TTC29: variants seen among roughly 807,000 people sequenced by gnomAD.
TTC29 encodes the protein tetratricopeptide repeat protein 29.
Under a neutral mutation model 58.1 loss-of-function variants are expected in TTC29, and 49 were observed. The observed-to-expected ratio is 0.84, with a 90% confidence interval of 0.67 to 1.07. The LOEUF (loss-of-function observed/expected upper bound fraction) is 1.07. Ranked by LOEUF, TTC29 falls within the 50% of genes least tolerant of loss-of-function variation. TTC29 has a pLI of 0.00. For missense variants in TTC29, 582 were observed against 555.6 expected (o/e 1.05, Z -0.48); for synonymous variants, 209 against 196.8 (o/e 1.06, Z -0.52).
At chr4:146,778,976 C>CAAAAAAAAAAAAAAAAAAAAAAAAAGA (rs1748342323) in intron 11 of TTC29, among the ~76,000 whole-genome samples, 2 of 28,536 alleles carry the variant, frequency 7.0e-5, no homozygotes, top group Non-Finnish European at 1.1e-4. Context: ...CCTAAATAAG[C>CAAAAAAAAAAAAAAAAAAAAAAAAAGA]AAAAAAAAAA....
At chr4:146,851,919 T>A (rs1729538605) in intron 8 of TTC29, among the ~76,000 whole-genome samples, 1 of 152,184 alleles carries the variant, frequency 6.6e-6, no homozygotes, top group African/African-American at 2.4e-5. Context: ...AGTGGGTCAT[T>A]TCTAGCCTGA....
intron 11 of TTC29, among the ~76,000 whole-genome samples, chr4:146,709,913 C>T (rs2149988903): frequency 6.6e-6 from 1 of 152,186 alleles, no homozygotes; most frequent in South Asian, 2.1e-4. Context: ...TGCCTAAGGC[C>T]TATCCCTCTA....
At chr4:146,772,880 G>A (rs1350633331) in intron 11 of TTC29, among the ~76,000 whole-genome samples, 1 of 151,164 alleles carries the variant, frequency 6.6e-6, no homozygotes, top group African/African-American at 2.4e-5. Flanking sequence ...TTTCATTTGT[G>A]TTATCTCTGA....
In TTC29 at chr4:146,833,873, A is replaced by C; in HGVS notation, c.910T>G (p.Ser304Ala). The C allele has an allele frequency of 1.2e-6, 2 of 1,613,002 alleles. No individual in the cohort carries two copies. The highest frequency in any genetic ancestry group is 2.2e-5 in the South Asian group (2 of 91,014). The change falls in exon 9 of 13, where the codon TCC becomes GCC. Residue 304 changes from serine to alanine, a missense_variant. Ser to Ala is a moderately conservative substitution (Grantham distance 99, BLOSUM62 1). Coordinates refer to ENST00000325106, the MANE Select transcript of TTC29 (RefSeq NM_031956.4). The part of the protein sequence containing the change: ...LTVLDTYCKI[S>A]TDLDDDLSLG... ...CTGAGATCATCATCCAGGTCTGTGG[A>C]GATTTTACAGTAAGTGTCAAGGACC...
At chr4:146,716,361 A>T (rs1742928194) in intron 11 of TTC29, among the ~76,000 whole-genome samples, 2 of 152,112 alleles carry the variant, frequency 1.3e-5, no homozygotes, top group African/African-American at 4.8e-5. Flanking sequence ...CAAGCTCTGT[A>T]TTCATGTTCT....
At chr4:146,823,660 G>T (rs1751988863) in intron 9 of TTC29, among the ~76,000 whole-genome samples, 1 of 152,162 alleles carries the variant, frequency 6.6e-6, no homozygotes, top group African/African-American at 2.4e-5. Context: ...AGTTTGATGG[G>T]AATAGCATTG....
At chr4:146,790,543 T>C (rs1749369977) in intron 11 of TTC29, among the ~76,000 whole-genome samples, 1 of 152,046 alleles carries the variant, frequency 6.6e-6, no homozygotes, top group Non-Finnish European at 1.5e-5. Context: ...TTTGTAGCAC[T>C]TACCACTATT....
rs147538496 is a variant in TTC29 at position 146,914,517 on chromosome 4, T to A, written c.177-5268A>T. 5.8e-4 allele frequency among the ~76,000 whole-genome samples: 88 copies of A among 152,160 alleles called. 3 individuals carry two copies. In the South Asian group the frequency reaches 0.015, roughly 27 times the overall value. ...TGAAAATAGAGAATGCTGGTAAAAT[T>A]TATGGAGAGATTTAATATTAGGAAA... On this transcript the variant is annotated intron_variant, in intron 4 of 12. Transcript: ENST00000325106.
intron 10 of TTC29, among the ~76,000 whole-genome samples, chr4:146,817,049 C>T (rs1751457724): frequency 6.6e-6 from 1 of 152,090 alleles, no homozygotes; most frequent in African/African-American, 2.4e-5. Context: ...TCTCACCACT[C>T]CTATTCAACA....
intron 8 of TTC29, among the ~76,000 whole-genome samples, chr4:146,846,245 C>T (rs1025047358): frequency 6.6e-6 from 1 of 152,130 alleles, no homozygotes; most frequent in African/African-American, 2.4e-5. Context: ...CATGAAATTT[C>T]AGATTGACAC....
chr4:146,795,817 G>A (rs139220319), intron 11 of TTC29, among the ~76,000 whole-genome samples: 69 of 152,256 alleles, frequency 4.5e-4, no homozygotes, highest in Admixed American at 8.5e-4. Context: ...ACACATAGGA[G>A]AGGATCATTT....
chr4:146,889,611 C>T (rs1245745627), intron 6 of TTC29, among the ~76,000 whole-genome samples: 1 of 152,064 alleles, frequency 6.6e-6, no homozygotes, highest in African/African-American at 2.4e-5. Context: ...CTGATATGTC[C>T]TTTGCATTTC....
At chr4:146,804,873 C>T (rs905588364) in intron 10 of TTC29, among the ~76,000 whole-genome samples, 1 of 152,242 alleles carries the variant, frequency 6.6e-6, no homozygotes. Context: ...CAGCACAGTG[C>T]TCAAGCTCTG....
At chr4:146,797,522 C>G (rs928488504) in intron 11 of TTC29, among the ~76,000 whole-genome samples, 1 of 151,744 alleles carries the variant, frequency 6.6e-6, no homozygotes, top group Admixed American at 6.6e-5. Context: ...GTATACAATT[C>G]TAGGTTTGAT....
chr4:146,764,944 T>C (rs1406737286), intron 11 of TTC29, among the ~76,000 whole-genome samples: 1 of 152,166 alleles, frequency 6.6e-6, no homozygotes, highest in Non-Finnish European at 1.5e-5. Flanking sequence ...ATCAGTTTGC[T>C]GATTTCATGA....
intron 4 of TTC29, among the ~76,000 whole-genome samples, chr4:146,928,082 G>C (rs560686328): frequency 6.6e-6 from 1 of 152,290 alleles, no homozygotes; most frequent in East Asian, 1.9e-4. Context: ...ATTTAAGAAT[G>C]AGTAAGAATC....
chr4:146,901,856 T>TCCTAGAAGACCTAGAAGA (rs914556635), intron 6 of TTC29, among the ~76,000 whole-genome samples: 1 of 152,206 alleles, frequency 6.6e-6, no homozygotes, highest in African/African-American at 2.4e-5. Flanking sequence ...GACCTGGTTT[T>TCCTAGAAGACCTAGAAGA]CCTAGAAGAA....
chr4:146,815,089 A>G (rs1387927313), intron 10 of TTC29, among the ~76,000 whole-genome samples: 1 of 152,196 alleles, frequency 6.6e-6, no homozygotes, highest in Non-Finnish European at 1.5e-5. Flanking sequence ...AAGCATTTTA[A>G]GCAGAGAAAT....
chr4:146,888,133 G>A lies in TTC29; in HGVS notation c.587-13205C>T, dbSNP rs193236639. On this transcript the variant is annotated intron_variant, in intron 6 of 12. Transcript: ENST00000325106. ...TATGAAACTCTTGAACACAAGTGGA[G>A]TAGGTGGTTTCGTTTTTTAATCAAA... 8.9e-4 allele frequency among the ~76,000 whole-genome samples: 136 copies of A among 152,296 alleles called. 3 individuals are homozygous for A. Among genetic ancestry groups the A allele is most frequent in the African/African-American group, 2.7e-3 (111 of 41,570 alleles).
Sources: gnomAD v4.1 joint callset for allele counts (sites outside exome capture counted in the v4.1 genomes callset) on GRCh38, gnomAD v4.1.1 for gene constraint, MANE v1.5 for transcripts, NCBI Gene and HGNC (gene_info 2026-07-23, HGNC 2026-07-21) for gene names.